Variants in SHISA6 observed in about 807,000 individuals in gnomAD.
The protein encoded by SHISA6 is shisa family member 6.
In SHISA6, 22 loss-of-function variants were observed where a neutral mutation model predicts 47.9. The observed-to-expected ratio is 0.46, with a 90% confidence interval of 0.33 to 0.66. The LOEUF (loss-of-function observed/expected upper bound fraction) is 0.66, where lower values mean the gene tolerates loss of function less well. Among genes scored for constraint, SHISA6 ranks in the 30% least tolerant of loss-of-function variants. The pLI is 0.02. For missense variants in SHISA6, 680 were observed against 764.6 expected, an observed-to-expected ratio of 0.89 and a Z score of 1.30; for synonymous variants, 388 against 337.8, an observed-to-expected ratio of 1.15 and a Z score of -1.63.
At chr17:11,262,711 A>T (rs999524835) in intron 1 of SHISA6, among the ~76,000 whole-genome samples, 1 of 152,202 alleles carries the variant, frequency 6.6e-6, no homozygotes, top group African/African-American at 2.4e-5. Context: ...CTGCTATGGC[A>T]GAGTCTCTGC....
intron 3 of SHISA6, among the ~76,000 whole-genome samples, chr17:11,412,493 AT>A (rs1349610691): frequency 6.6e-6 from 1 of 152,032 alleles, no homozygotes; most frequent in African/African-American, 2.4e-5. Flanking sequence ...ACTCTCCTAC[AT>A]TTTTGCATTC....
Position 11,450,953 on chromosome 17 carries a change from TAAG to T in SHISA6, c.895+71445_895+71447del, listed in dbSNP as rs1160671897. 5.0e-5 allele frequency among the ~76,000 whole-genome samples: 7 copies of T among 140,542 alleles called. No individual in the cohort carries two copies. In the East Asian group the frequency reaches 1.2e-3, roughly 25 times the overall value. The allele number at this position is 140,542 out of a possible 152,430, so 92.2% of individuals were successfully genotyped here. A position where few individuals can be genotyped will look rare whatever the true frequency, so the allele number is the denominator to read the frequency against. ...AAAACATTATTTTTTCATTCTCTGA[TAAG>T]GAGCAAGGTAGACCAGGACAGGAGG... On this transcript the variant is annotated intron_variant, in intron 3 of 5. Transcript: ENST00000441885.
At chr17:11,299,972 T>C (rs999629909) in intron 2 of SHISA6, among the ~76,000 whole-genome samples, 1 of 151,906 alleles carries the variant, frequency 6.6e-6, no homozygotes, top group South Asian at 2.1e-4. Flanking sequence ...AGTGAAACCC[T>C]ATCTCTACTA....
chr17:11,548,458 T>TATAC (rs1555543966), intron 3 of SHISA6, among the ~76,000 whole-genome samples: 15 of 146,820 alleles, frequency 1.0e-4, no homozygotes, highest in Non-Finnish European at 2.0e-4. Context: ...TATATATATA[T>TATAC]ACATATATCA....
At chr17:11,306,474 C>T (rs956492499) in intron 2 of SHISA6, among the ~76,000 whole-genome samples, 8 of 152,260 alleles carry the variant, frequency 5.3e-5, no homozygotes, top group East Asian at 1.9e-4. Context: ...ACCCTGGTTC[C>T]GCTCTCTGGG....
At chr17:11,336,593 C>T (rs190411856) in intron 2 of SHISA6, among the ~76,000 whole-genome samples, 6 of 152,242 alleles carry the variant, frequency 3.9e-5, no homozygotes, top group Admixed American at 6.5e-5. Flanking sequence ...CTGGGGCTTG[C>T]GAAGGCAGAT....
intron 3 of SHISA6, among the ~76,000 whole-genome samples, chr17:11,490,521 A>T (rs979616548): frequency 1.3e-5 from 2 of 152,092 alleles, no homozygotes. Context: ...GTGCGATTTT[A>T]ATGTGAGTCT....
intron 2 of SHISA6, among the ~76,000 whole-genome samples, chr17:11,339,879 C>T (rs892046699): frequency 1.3e-5 from 2 of 152,008 alleles, no homozygotes; most frequent in Non-Finnish European, 2.9e-5. Context: ...GAAAGACTCT[C>T]GAATAGAAGC....
chr17:11,259,142 T>C (rs1275198054), intron 1 of SHISA6, among the ~76,000 whole-genome samples: 2 of 150,854 alleles, frequency 1.3e-5, no homozygotes, highest in African/African-American at 2.4e-5. Context: ...GGATATGGGA[T>C]GGAAAGAGGG....
intron 2 of SHISA6, among the ~76,000 whole-genome samples, chr17:11,331,288 G>C (rs1911101067): frequency 6.6e-6 from 1 of 152,148 alleles, no homozygotes; most frequent in Non-Finnish European, 1.5e-5. Flanking sequence ...CTTCAGAGAA[G>C]TACAGGCCAA....
At position 11,558,309 on chromosome 17, in the gene SHISA6, C is replaced by G. The variant is rs1384141319; in HGVS notation, c.*5C>G. 1 of 1,536,244 alleles carries G rather than the reference C, an allele frequency of 6.5e-7. No homozygotes were observed. The highest frequency in any genetic ancestry group is 2.4e-5 in the East Asian group (1 of 40,884). ...AAGACCGAAGTGACCGTGTGACCGG[C>G]GGGGCAGGGCCGGGGCTGCTGGGCG... On this transcript the variant is annotated 3_prime_UTR_variant, in exon 6 of 6. Coordinates refer to ENST00000441885, the MANE Select transcript of SHISA6 (RefSeq NM_207386.4).
intron 3 of SHISA6, among the ~76,000 whole-genome samples, chr17:11,540,481 C>T (rs2071824237): frequency 6.6e-6 from 1 of 152,148 alleles, no homozygotes; most frequent in South Asian, 2.1e-4. Context: ...CCACTCCTTT[C>T]CTTCATCACT....
At chr17:11,492,582 T>C (rs923750491) in intron 3 of SHISA6, among the ~76,000 whole-genome samples, 2 of 152,190 alleles carry the variant, frequency 1.3e-5, no homozygotes, top group African/African-American at 4.8e-5. Flanking sequence ...AGTAAATGCA[T>C]GAAAGTGTCT....
At chr17:11,401,652 T>G (rs1913778103) in intron 3 of SHISA6, among the ~76,000 whole-genome samples, 1 of 152,220 alleles carries the variant, frequency 6.6e-6, no homozygotes, top group Non-Finnish European at 1.5e-5. Flanking sequence ...AAAAATTTGG[T>G]GTCTGGATAC....
At chr17:11,447,904 C>A (rs1029313903) in intron 3 of SHISA6, among the ~76,000 whole-genome samples, 1 of 152,132 alleles carries the variant, frequency 6.6e-6, no homozygotes, top group African/African-American at 2.4e-5. Flanking sequence ...AACCTGCAGA[C>A]AGCAGTGGGC....
intron 3 of SHISA6, among the ~76,000 whole-genome samples, chr17:11,516,248 A>T (rs1251099574): frequency 6.6e-6 from 1 of 152,212 alleles, no homozygotes; most frequent in African/African-American, 2.4e-5. Flanking sequence ...CTCAGGAGGT[A>T]TCCACCCTGC....
intron 2 of SHISA6, among the ~76,000 whole-genome samples, chr17:11,376,576 G>A (rs1433340644): frequency 1.3e-5 from 2 of 151,708 alleles, no homozygotes; most frequent in Non-Finnish European, 2.9e-5. Flanking sequence ...CACCCACCTC[G>A]GCCTTCCAAA....
intron 2 of SHISA6, among the ~76,000 whole-genome samples, chr17:11,308,532 G>C (rs1474237837): frequency 6.6e-6 from 1 of 152,172 alleles, no homozygotes; most frequent in African/African-American, 2.4e-5. Context: ...ACAATTTCCA[G>C]AGTGCTTTAT....
chr17:11,549,051 A>C (rs2071907283), intron 3 of SHISA6, among the ~76,000 whole-genome samples: 1 of 152,202 alleles, frequency 6.6e-6, no homozygotes, highest in South Asian at 2.1e-4. Context: ...GTCTCACACA[A>C]TTGTCATTCT....
Sources: gnomAD v4.1 joint callset for allele counts (sites outside exome capture counted in the v4.1 genomes callset) on GRCh38, gnomAD v4.1.1 for gene constraint, MANE v1.5 for transcripts, NCBI Gene and HGNC (gene_info 2026-07-23, HGNC 2026-07-21) for gene names.